SUMF1: variants seen among roughly 807,000 people sequenced by gnomAD.
SUMF1 encodes sulfatase modifying factor 1, also known as formylglycine-generating enzyme.
Under a neutral mutation model 47.6 loss-of-function variants are expected in SUMF1, and 48 were observed. The ratio of observed to expected loss-of-function variants is 1.01; its 90% CI spans 0.80 to 1.28. The LOEUF is 1.28. Ranked by LOEUF, SUMF1 falls within the 50% of genes most tolerant of loss-of-function variation. The pLI is 0.00. For synonymous variants in SUMF1, 230 were observed against 192.1 expected (o/e 1.20, Z -1.63); for missense variants, 571 against 485.4 (o/e 1.18, Z -1.66).
chr3:4,101,419 C>T (rs1323499882), intron 8 of SUMF1, among the ~76,000 whole-genome samples: 1 of 151,976 alleles, frequency 6.6e-6, no homozygotes, highest in African/African-American at 2.4e-5. Flanking sequence ...TGTGATCTCA[C>T]TTATACATGT....
At chr3:4,207,346 C>T (rs1695676219) in intron 8 of SUMF1, among the ~76,000 whole-genome samples, 1 of 152,058 alleles carries the variant, frequency 6.6e-6, no homozygotes, top group Admixed American at 6.6e-5. Context: ...ATTGCACTGC[C>T]TCGAATGTCC....
At chr3:4,215,995 C>T (rs1310796641) in intron 8 of SUMF1, among the ~76,000 whole-genome samples, 2 of 152,140 alleles carry the variant, frequency 1.3e-5, no homozygotes, top group Non-Finnish European at 2.9e-5. Flanking sequence ...AATGCTATCC[C>T]CATCAAGCTA....
chr3:4,300,354 T>C (rs540450822), intron 8 of SUMF1, among the ~76,000 whole-genome samples: 52 of 152,190 alleles, frequency 3.4e-4, no homozygotes, highest in African/African-American at 1.2e-3. Context: ...TGCAGAGCCA[T>C]GAGCCAATTA....
chr3:4,267,228 T>C (rs1697213976), intron 8 of SUMF1, among the ~76,000 whole-genome samples: 2 of 152,200 alleles, frequency 1.3e-5, no homozygotes, highest in Non-Finnish European at 2.9e-5. Context: ...ATCAGAATGA[T>C]GCTGGCCTCA....
intron 8 of SUMF1, among the ~76,000 whole-genome samples, chr3:4,296,747 T>C (rs777277148): frequency 4.6e-5 from 7 of 152,074 alleles, no homozygotes; most frequent in Non-Finnish European, 8.8e-5. Flanking sequence ...AAGAGCAAAG[T>C]AGCTAATTAT....
intron 7 of SUMF1, among the ~76,000 whole-genome samples, chr3:4,408,355 C>T (rs1701437072): frequency 1.3e-5 from 2 of 152,096 alleles, no homozygotes; most frequent in Non-Finnish European, 2.9e-5. Context: ...AGAAAGTAAA[C>T]ACAGTAAACT....
At chr3:4,405,368 T>A (rs572666302) in intron 7 of SUMF1, among the ~76,000 whole-genome samples, 7 of 152,166 alleles carry the variant, frequency 4.6e-5, no homozygotes, top group Middle Eastern at 6.8e-3. Context: ...CCAGGTCAAT[T>A]CTATTTTTTG....
At chr3:4,450,420 CCT>C (rs1459895884) in intron 2 of SUMF1, among the ~76,000 whole-genome samples, 1 of 152,176 alleles carries the variant, frequency 6.6e-6, no homozygotes, top group African/African-American at 2.4e-5. Context: ...ATCTCCAACT[CCT>C]TTTCCGGAGT....
intron 8 of SUMF1, among the ~76,000 whole-genome samples, chr3:4,254,716 C>A (rs1390273189): frequency 1.7e-4 from 26 of 149,334 alleles, no homozygotes; most frequent in Non-Finnish European, 3.1e-4. Flanking sequence ...GAGAACTTCC[C>A]CAATCTAGCA....
chr3:4,216,237 C>T (rs749182784), intron 8 of SUMF1, among the ~76,000 whole-genome samples: 2 of 152,164 alleles, frequency 1.3e-5, no homozygotes, highest in African/African-American at 2.4e-5. Context: ...AATAACACCA[C>T]ACATCTACAA....
intron 8 of SUMF1, among the ~76,000 whole-genome samples, chr3:4,261,048 A>G (rs1442026821): frequency 6.6e-6 from 1 of 152,192 alleles, no homozygotes; most frequent in Non-Finnish European, 1.5e-5. Flanking sequence ...TTGTTACACC[A>G]ACAATAACTA....
Position 4,408,065 on chromosome 3 carries a change from A to G in SUMF1, c.954+2800T>C, listed in dbSNP as rs1701429381. Among the ~76,000 whole-genome samples, 3 of 152,344 alleles carry G rather than the reference A, an allele frequency of 2.0e-5. No homozygotes were observed. In the South Asian group the frequency reaches 6.2e-4, roughly 32 times the overall value. On this transcript the variant is annotated intron_variant, in intron 7 of 8. Coordinates refer to ENST00000272902, the MANE Select transcript of SUMF1 (RefSeq NM_182760.4). ...TTTCCAGAGACACATCACACTATCT[A>G]GATCTCAACCTCCACAATTTTTCAC... is the stretch of plus-strand genomic sequence containing the variant.
chr3:4,158,863 G>C (rs13084299), intron 8 of SUMF1, among the ~76,000 whole-genome samples: 51,134 of 151,086 alleles, frequency 0.34, 9,672 homozygotes, highest in Non-Finnish European at 0.42. Flanking sequence ...TTTTCAGTCT[G>C]TGTGTGCCTT....
intron 8 of SUMF1, among the ~76,000 whole-genome samples, chr3:4,133,798 C>A (rs1187081338): frequency 6.6e-6 from 1 of 151,992 alleles, no homozygotes; most frequent in African/African-American, 2.4e-5. Context: ...TTAATAAACT[C>A]CCCTTTATAT....
At chr3:4,205,909 C>T (rs1695640771) in intron 8 of SUMF1, among the ~76,000 whole-genome samples, 1 of 152,070 alleles carries the variant, frequency 6.6e-6, no homozygotes, top group South Asian at 2.1e-4. Context: ...TGCCCAAGAC[C>T]CATGTTAACT....
intron 8 of SUMF1, among the ~76,000 whole-genome samples, chr3:4,247,971 T>C (rs1696706872): frequency 6.6e-6 from 1 of 152,218 alleles, no homozygotes; most frequent in South Asian, 2.1e-4. Flanking sequence ...CAAACTACTT[T>C]GCAAAGGCAT....
At chr3:4,159,711 T>A (rs1694533363) in intron 8 of SUMF1, among the ~76,000 whole-genome samples, 1 of 152,144 alleles carries the variant, frequency 6.6e-6, no homozygotes, top group South Asian at 2.1e-4. Flanking sequence ...ATTAAGGAAC[T>A]GCGTTTTAGC....
At chr3:4,283,719 C>T (rs574274132) in intron 8 of SUMF1, among the ~76,000 whole-genome samples, 1 of 152,266 alleles carries the variant, frequency 6.6e-6, no homozygotes, top group South Asian at 2.1e-4. Context: ...TGACTTAGTC[C>T]ATTCAAGCTG....
chr3:4,151,409 A>G (rs1694322842), intron 8 of SUMF1, among the ~76,000 whole-genome samples: 1 of 144,000 alleles, frequency 6.9e-6, no homozygotes, highest in Non-Finnish European at 1.5e-5. Context: ...GTATATGTAT[A>G]TATGTATATA....
Sources: gnomAD v4.1 joint callset for allele counts (sites outside exome capture counted in the v4.1 genomes callset) on GRCh38, gnomAD v4.1.1 for gene constraint, MANE v1.5 for transcripts, NCBI Gene and HGNC (gene_info 2026-07-23, HGNC 2026-07-21) for gene names.